Variants in GATM observed in about 807,000 individuals in gnomAD.
The protein encoded by GATM is glycine amidinotransferase, also known as glycine amidinotransferase, mitochondrial.
GATM carries 23 observed loss-of-function variants against 54.2 expected under a neutral mutation model. The observed-to-expected ratio is 0.42, with a 90% CI of 0.31 to 0.60. The LOEUF (loss-of-function observed/expected upper bound fraction) is 0.60. Ranked by LOEUF, GATM falls within the 20% of genes least tolerant of loss-of-function variation. The pLI, the probability that GATM is intolerant of heterozygous loss-of-function variation, is 0.14. For synonymous variants in GATM, 168 were observed against 183.1 expected, an observed-to-expected ratio of 0.92 and a Z score of 0.67; for missense variants, 401 against 544.9, an observed-to-expected ratio of 0.74 and a Z score of 2.63.
chr15:45,391,349 T>C (rs1469710307), intron 3 of GATM, among the ~76,000 whole-genome samples: 1 of 151,512 alleles, frequency 6.6e-6, no homozygotes, highest in Admixed American at 6.6e-5. Flanking sequence ...GAGGCGGAGG[T>C]TGCATTGAGC....
At chr15:45,392,868 T>C (rs1384564032) in intron 3 of GATM, among the ~76,000 whole-genome samples, 1 of 152,222 alleles carries the variant, frequency 6.6e-6, no homozygotes, top group African/African-American at 2.4e-5. Context: ...CTTTTTCAAA[T>C]ACAATTTGAA....
chr15:45,362,925 C>T (rs1382751497), intron 8 of GATM, among the ~76,000 whole-genome samples: 1 of 152,122 alleles, frequency 6.6e-6, no homozygotes, highest in East Asian at 1.9e-4. Context: ...GGAGGATAGG[C>T]TACAAAGTCA....
Position 45,361,920 on chromosome 15 carries a change from A to G in GATM, c.*189T>C. 1.6e-6 allele frequency: 1 copy of G among 616,938 alleles called. No homozygotes were observed. The highest frequency in any genetic ancestry group is 1.9e-5 in the South Asian group (1 of 52,498). The allele number at this position is 616,938 out of a possible 1,614,324, so 38.2% of individuals were successfully genotyped here. ...TAAATAACTTTAGGAGTAGAGAGTAATACCTAGCAGAAGTTATTTTCTTTA... is the reference window on the plus strand; with the variant it reads ...TAAATAACTTTAGGAGTAGAGAGTAGTACCTAGCAGAAGTTATTTTCTTTA... On this transcript the variant is annotated 3_prime_UTR_variant, in exon 9 of 9. Coordinates refer to ENST00000396659, the MANE Select transcript of GATM (RefSeq NM_001482.3).
intron 4 of GATM, 112 bp from the exon 5 acceptor site, chr15:45,366,620 C>T: frequency 8.3e-7 from 1 of 1,207,096 alleles, no homozygotes; most frequent in Non-Finnish European, 1.2e-6. Flanking sequence ...AATATTACTA[C>T]TCAGTTCTAG....
At chr15:45,401,891 C>G (rs1890018293) in intron 1 of GATM, 2 of 152,882 alleles carry the variant, frequency 1.3e-5, no homozygotes, top group Non-Finnish European at 2.9e-5. Flanking sequence ...GATTGGAACC[C>G]CGATTACCGA....
At chr15:45,375,873 G>A (rs951418925) in intron 2 of GATM, among the ~76,000 whole-genome samples, 8 of 152,284 alleles carry the variant, frequency 5.3e-5, no homozygotes, top group African/African-American at 1.9e-4. Context: ...CACTTGGATT[G>A]CAGCTGCCAG....
intron 6 of GATM, among the ~76,000 whole-genome samples, chr15:45,365,698 A>G (rs975553308): frequency 6.6e-6 from 1 of 152,230 alleles, no homozygotes; most frequent in Non-Finnish European, 1.5e-5. Flanking sequence ...CTGGCCATGC[A>G]AGGATGATCT....
At chr15:45,401,986 A>C (rs1286167096) in exon 1 of GATM, 1 of 160,614 alleles carries the variant, frequency 6.2e-6, no homozygotes, top group East Asian at 1.9e-4. Context: ...CCATGCGGAT[A>C]GTTAGAGTTT....
intron 6 of GATM, 55 bp from the exon 7 acceptor site, chr15:45,364,915 T>A: frequency 7.2e-7 from 1 of 1,393,680 alleles, no homozygotes; most frequent in Non-Finnish European, 1.0e-6. Context: ...ACTATTATTA[T>A]TATTAGTCTC....
chr15:45,380,047 C>T (rs1050298862), upstream of GATM: 6 of 146,422 alleles, frequency 4.1e-5, no homozygotes, highest in African/African-American at 1.3e-4. Context: ...TGGCGTGAAC[C>T]CGGGAGGTGG....
chr15:45,399,622 A>G (rs1889974377), intron 1 of GATM: 1 of 153,916 alleles, frequency 6.5e-6, no homozygotes, highest in Non-Finnish European at 1.4e-5. Flanking sequence ...GCTGTCATTT[A>G]TAAGCTACCT....
chr15:45,378,079 G>C (rs923320783), intron 1 of GATM: 4 of 342,708 alleles, frequency 1.2e-5, no homozygotes, highest in Non-Finnish European at 2.1e-5. Flanking sequence ...GTCCGGTAGA[G>C]GGGGGCGGCG....
intron 3 of GATM, among the ~76,000 whole-genome samples, chr15:45,396,455 C>T (rs1045662489): frequency 4.6e-5 from 7 of 152,112 alleles, no homozygotes; most frequent in Non-Finnish European, 7.4e-5. Context: ...AGGACATTTT[C>T]GCAATGATCC....
intron 1 of GATM, among the ~76,000 whole-genome samples, chr15:45,400,914 A>G (rs1889994182): frequency 6.6e-6 from 1 of 152,218 alleles, no homozygotes; most frequent in South Asian, 2.1e-4. Flanking sequence ...TTCTGATAAA[A>G]TAACTTGATA....
At chr15:45,372,688 G>A (rs1299998089) in intron 2 of GATM, among the ~76,000 whole-genome samples, 2 of 152,148 alleles carry the variant, frequency 1.3e-5, no homozygotes, top group African/African-American at 4.8e-5. Flanking sequence ...AGTATCCTCC[G>A]TGACTATTTG....
chr15:45,400,900 A>G (rs536550362), intron 1 of GATM, among the ~76,000 whole-genome samples: 1 of 152,342 alleles, frequency 6.6e-6, no homozygotes, highest in East Asian at 1.9e-4. Flanking sequence ...GATGAGGTAC[A>G]GGCTTCTGAT....
chr15:45,400,869 G>A (rs917997616), intron 1 of GATM, among the ~76,000 whole-genome samples: 2 of 152,154 alleles, frequency 1.3e-5, no homozygotes, highest in African/African-American at 4.8e-5. Context: ...AAAGCTTCTT[G>A]GAGCTGAATA....
intron 2 of GATM, among the ~76,000 whole-genome samples, chr15:45,373,958 C>A (rs1399101503): frequency 6.6e-6 from 1 of 152,208 alleles, no homozygotes; most frequent in African/African-American, 2.4e-5. Flanking sequence ...ATATCTACAA[C>A]TATTACACCG....
chr15:45,391,924 T>C (rs1889877726), intron 3 of GATM, among the ~76,000 whole-genome samples: 1 of 152,190 alleles, frequency 6.6e-6, no homozygotes. Flanking sequence ...GCAGGCCCTA[T>C]GGCAGAGTAA....
Sources: allele counts gnomAD v4.1 joint callset (sites outside exome capture counted in the v4.1 genomes callset), GRCh38; gene constraint gnomAD v4.1.1; transcripts MANE v1.5; gene names NCBI Gene and HGNC (gene_info 2026-07-23, HGNC 2026-07-21).